The following STAG3 variants were observed in gnomAD, a reference collection of about 807,000 sequenced individuals.
STAG3 encodes STAG3 cohesin complex component.
STAG3 carries 101 observed loss-of-function variants against 160.7 expected under a neutral mutation model. The observed-to-expected ratio is 0.63, with a 90% CI of 0.54 to 0.74. The LOEUF (loss-of-function observed/expected upper bound fraction) is 0.74, where lower values mean the gene tolerates loss of function less well. STAG3 is among the 30% of genes least tolerant of loss of function. STAG3 has a pLI of 0.00. For synonymous variants in STAG3, 519 were observed against 585.0 expected (o/e 0.89, Z 1.63); for missense variants, 1,188 against 1,517.4 (o/e 0.78, Z 3.61).
intron 32 of STAG3, chr7:100,212,405 A>C (rs900737807): frequency 3.3e-5 from 5 of 152,354 alleles, no homozygotes; most frequent in Non-Finnish European, 1.5e-5. Context: ...ACTCCATGTC[A>C]AGTTAGCGCT....
At chr7:100,213,277 T>C (rs756215021) in intron 32 of STAG3, 1 of 1,011,676 alleles carries the variant, frequency 9.9e-7, no homozygotes, top group Non-Finnish European at 1.2e-6. Flanking sequence ...GATTTCAATA[T>C]GTGGGTTTAG....
chr7:100,186,567 A>T (rs1206074848), intron 5 of STAG3, among the ~76,000 whole-genome samples: 1 of 152,156 alleles, frequency 6.6e-6, no homozygotes, highest in African/African-American at 2.4e-5. Context: ...ACAAAAAATT[A>T]TCTGGGTATG....
At chr7:100,204,828 TGGAGGGAGGTCTC>T (rs2117391176) in intron 27 of STAG3, 53 bp downstream of exon 27, 1 of 1,605,362 alleles carries the variant, frequency 6.2e-7, no homozygotes. Flanking sequence ...AACGAGGTCT[TGGAGGGAGGTCTC>T]GGAGGGAGGG....
In STAG3 at chr7:100,202,443, A is replaced by G. The variant is rs201540529; in HGVS notation, c.2564-11A>G. On this transcript the variant is annotated splice_polypyrimidine_tract_variant and intron_variant, in intron 24 of 33. Coordinates refer to ENST00000615138, the MANE Select transcript of STAG3 (RefSeq NM_001282717.2). ...AGTCTGTGATTCCCTTTTGCCTTCCATGTGAGCCAGGTGATTCCCAGGAGG... is the reference window on the plus strand; with the variant it reads ...AGTCTGTGATTCCCTTTTGCCTTCCGTGTGAGCCAGGTGATTCCCAGGAGG... 736 of 1,612,412 alleles carry G rather than the reference A, an allele frequency of 4.6e-4. No individual in the cohort carries two copies. The highest frequency in any genetic ancestry group is 6.0e-4 in the Non-Finnish European group (711 of 1,178,656).
At position 100,182,691 on chromosome 7, in the gene STAG3, T is replaced by C. The variant is rs371037935; in HGVS notation, c.220-32T>C. ...GTCACTGTTACCTTTTTTGTTTTTT[T>C]TTCATATTTCTGATCTTTTTATACA... On this transcript the variant is annotated intron_variant, in intron 3 of 33. Coordinates refer to ENST00000615138, the MANE Select transcript of STAG3 (RefSeq NM_001282717.2). The C allele has an allele frequency of 2.2e-5, 36 of 1,607,114 alleles. No individual in the cohort carries two copies. The African/African-American group carries it at 4.7e-4, about 21-fold the overall frequency.
intron 5 of STAG3, among the ~76,000 whole-genome samples, chr7:100,187,298 C>T (rs1800071732): frequency 6.6e-6 from 1 of 151,938 alleles, no homozygotes; most frequent in African/African-American, 2.4e-5. Context: ...GTTGGTATTA[C>T]AGGCATGAGC....
rs772792306 is a variant in STAG3 at position 100,204,583 on chromosome 7, C to T, written c.2803-44C>T. 2.4e-5 allele frequency: 38 copies of T among 1,596,316 alleles called. No homozygotes were observed. The East Asian group carries it at 7.9e-4, about 33-fold the overall frequency. The stretch of plus-strand genomic sequence containing the variant: ...GAATGCTGGACTTCTCTGTTTCCGC[C>T]GTGTTCCTCCCTTTCCCACATGCAC... On this transcript the variant is annotated intron_variant, in intron 26 of 33. Transcript: ENST00000615138.
downstream of STAG3, among the ~76,000 whole-genome samples, chr7:100,215,417 C>T (rs560058107): frequency 6.6e-6 from 1 of 152,016 alleles, no homozygotes; most frequent in Non-Finnish European, 1.5e-5. Flanking sequence ...AGGTAGCCCT[C>T]GGGGAGTCAG....
In STAG3 at chr7:100,199,384, GC is replaced by G; in HGVS notation, c.1573+19del. ...AGGACCAGAGTACGTGTCACACGGA[GC>G]CAGGGACAGGGACCTTCCACCCCCT... On this transcript the variant is annotated intron_variant, in intron 15 of 33. Transcript: ENST00000615138. 1 of 1,607,580 alleles carries G rather than the reference GC, an allele frequency of 6.2e-7. No individual in the cohort carries two copies.
chr7:100,200,966 A>C lies in STAG3; in HGVS notation c.2058A>C (p.Leu686Phe). 1 of 1,614,226 alleles carries C rather than the reference A, an allele frequency of 6.2e-7. No homozygotes were observed. The highest frequency in any genetic ancestry group is 8.5e-7 in the Non-Finnish European group (1 of 1,180,044). The change falls in exon 19 of 34, where the codon TTA (leucine) becomes TTC (phenylalanine). Residue 686 changes from leucine (L) to phenylalanine (F), a missense_variant. Transcript: ENST00000615138. ...TCCAGCAGGAGCTTGAAGAGCTGTT[A>C]CAGGTAGGAGCTGGGGCTGGACAAT... is the stretch of plus-strand genomic sequence containing the variant. Reference protein sequence around the residue: ...DRFQQELEELLQSSFLDEDEV... With the variant: ...DRFQQELEELFQSSFLDEDEV...
At chr7:100,200,154 G>C (rs1429714594) in intron 16 of STAG3, 82 bp from the exon 17 acceptor site, 12 of 1,000,044 alleles carry the variant, frequency 1.2e-5, no homozygotes, top group Non-Finnish European at 1.8e-5. Flanking sequence ...GGCAGATAAG[G>C]TCATGGGGAG....
chr7:100,211,752 CAA>C (rs753756124), intron 31 of STAG3, 41 bp from the exon 32 acceptor site: 2 of 1,607,272 alleles, frequency 1.2e-6, no homozygotes, highest in Non-Finnish European at 1.7e-6. Flanking sequence ...CAGGGGTCCT[CAA>C]AGAACAGTTT....
chr7:100,202,703 G>C, intron 25 of STAG3, 113 bp downstream of exon 25: 1 of 1,371,416 alleles, frequency 7.3e-7, no homozygotes, highest in Non-Finnish European at 9.8e-7. Flanking sequence ...CAAGCTTAAA[G>C]GAGAAGTAGG....
At position 100,211,778 on chromosome 7, in the gene STAG3, CTT is replaced by C; in HGVS notation, c.3519-15_3519-14del. On this transcript the variant is annotated splice_polypyrimidine_tract_variant and intron_variant, in intron 31 of 33. Transcript: ENST00000615138. ...AAAGAACAGTTTGAAAAGCCAGTCT[CTT>C]TGCCCCTACATCAGACTCAGCCTTA... 9.3e-6 allele frequency: 15 copies of C among 1,613,364 alleles called. No homozygotes were observed. Among genetic ancestry groups the C allele is most frequent in the Non-Finnish European group, 1.2e-5 (14 of 1,179,626 alleles).
intron 21 of STAG3, 150 bp downstream of exon 21, chr7:100,201,501 C>T: frequency 2.9e-6 from 2 of 681,292 alleles, no homozygotes; most frequent in Non-Finnish European, 5.0e-6. Flanking sequence ...TCTTACATTC[C>T]TCTCTTAGAA....
At chr7:100,200,594 G>GTTC in intron 18 of STAG3, 52 bp downstream of exon 18, 1 of 1,588,596 alleles carries the variant, frequency 6.3e-7, no homozygotes, top group Non-Finnish European at 8.6e-7. Context: ...GGGCCAAAGG[G>GTTC]TTCTATTGCC....
intron 16 of STAG3, 110 bp from the exon 17 acceptor site, chr7:100,200,126 A>T: frequency 1.5e-6 from 1 of 675,034 alleles, no homozygotes; most frequent in Non-Finnish European, 2.5e-6. Flanking sequence ...GGAGCTACTG[A>T]GTTCTCTTTT....
At chr7:100,211,322 G>A in intron 30 of STAG3, 113 bp from the exon 31 acceptor site, 1 of 1,481,302 alleles carries the variant, frequency 6.8e-7, no homozygotes, top group African/African-American at 1.4e-5. Context: ...CTTCTCCATT[G>A]TTTAGCTTTA....
At chr7:100,211,675 A>G (rs1450174178) in intron 31 of STAG3, 120 bp from the exon 32 acceptor site, 10 of 1,401,568 alleles carry the variant, frequency 7.1e-6, no homozygotes, top group Admixed American at 3.7e-5. Context: ...TGTCAGCACA[A>G]TCGGGAAACT....
Sources: gnomAD v4.1 joint callset for allele counts (sites outside exome capture counted in the v4.1 genomes callset) on GRCh38, gnomAD v4.1.1 for gene constraint, MANE v1.5 for transcripts, NCBI Gene and HGNC (gene_info 2026-07-23, HGNC 2026-07-21) for gene names.